The following SOS1 variants were observed in gnomAD, a reference collection of about 807,000 sequenced individuals.
SOS1 encodes son of sevenless homolog 1.
In SOS1, 25 loss-of-function variants were observed where a neutral mutation model predicts 157.6. That is an observed-to-expected ratio of 0.16 (90% confidence interval 0.12 to 0.22). The LOEUF is 0.22. SOS1 is among the 10% of genes least tolerant of loss of function. The pLI is 1.00. For missense variants in SOS1, 1,237 were observed against 1,599.1 expected, an observed-to-expected ratio of 0.77 and a Z score of 3.86; for synonymous variants, 528 against 534.0, an observed-to-expected ratio of 0.99 and a Z score of 0.16.
At chr2:39,057,747 A>G (rs531594504) in intron 3 of SOS1, among the ~76,000 whole-genome samples, 2 of 152,240 alleles carry the variant, frequency 1.3e-5, no homozygotes, top group South Asian at 2.1e-4. Context: ...CATATGGCCA[A>G]TGAAAATCAT....
chr2:38,997,051 C>T lies in SOS1; in HGVS notation c.2965-13G>A. 1 of 1,368,380 alleles carries T rather than the reference C, an allele frequency of 7.3e-7. No homozygotes were observed. The highest frequency in any genetic ancestry group is 1.0e-6 in the Non-Finnish European group (1 of 964,606). 84.8% of individuals were successfully genotyped at this position (1,368,380 alleles called of 1,614,324 possible). On this transcript the variant is annotated splice_polypyrimidine_tract_variant and intron_variant, in intron 18 of 22. Coordinates refer to ENST00000402219, the MANE Select transcript of SOS1 (RefSeq NM_005633.4). ...TTTCAAAGAACCTCTAAAATAAATGCAAAGAAAAAATTATTAATATTCAAA... is the reference window on the plus strand; with the variant it reads ...TTTCAAAGAACCTCTAAAATAAATGTAAAGAAAAAATTATTAATATTCAAA...
At chr2:39,034,664 A>C (rs542635098) in intron 8 of SOS1, among the ~76,000 whole-genome samples, 58 of 152,348 alleles carry the variant, frequency 3.8e-4, no homozygotes, top group African/African-American at 1.4e-3. Context: ...CTGTGATCAA[A>C]TGGGCAATTT....
chr2:39,100,589 A>C (rs1349484194), intron 1 of SOS1, among the ~76,000 whole-genome samples: 1 of 152,212 alleles, frequency 6.6e-6, no homozygotes, highest in African/African-American at 2.4e-5. Flanking sequence ...CATCGCTTAT[A>C]TATGGAAATC....
chr2:39,046,981 G>C (rs1670809832), intron 6 of SOS1, among the ~76,000 whole-genome samples: 1 of 151,892 alleles, frequency 6.6e-6, no homozygotes, highest in Admixed American at 6.6e-5. Context: ...CCTCATTTTT[G>C]ATAAATTCAG....
At position 39,012,277 on chromosome 2, in the gene SOS1, C is replaced by T. The variant is rs766572354; in HGVS notation, c.2239G>A (p.Gly747Arg). The T allele has an allele frequency of 6.2e-7, 1 of 1,613,374 alleles. No individual in the cohort carries two copies. Among genetic ancestry groups the T allele is most frequent in the South Asian group, 1.1e-5 (1 of 91,062 alleles). ...TGAAATGTAATATTATGACCTGGTC[C>T]ATTGTCTCTTGCAATTTTTTTCCTT... Reference protein sequence around the residue: ...IQRKKIARDNGPGHNITFQSS... With the variant: ...IQRKKIARDNRPGHNITFQSS... The change falls in exon 14 of 23, where the codon GGA becomes AGA. Residue 747 changes from glycine (G) to arginine (R), a missense_variant. Gly to Arg is a moderately radical substitution (Grantham distance 125, BLOSUM62 -2). Coordinates refer to ENST00000402219, the MANE Select transcript of SOS1 (RefSeq NM_005633.4).
chr2:39,005,248 G>A (rs1200150604), intron 17 of SOS1, among the ~76,000 whole-genome samples: 1 of 152,164 alleles, frequency 6.6e-6, no homozygotes, highest in African/African-American at 2.4e-5. Flanking sequence ...GCTGACCATG[G>A]ATAACTGAAA....
intron 6 of SOS1, among the ~76,000 whole-genome samples, chr2:39,045,787 G>A (rs941504343): frequency 2.6e-5 from 4 of 152,090 alleles, no homozygotes; most frequent in Admixed American, 2.6e-4. Context: ...TAGGCTCACC[G>A]CAACTCCGCC....
At chr2:39,011,096 C>T (rs1412481818) in intron 14 of SOS1, among the ~76,000 whole-genome samples, 2 of 152,068 alleles carry the variant, frequency 1.3e-5, no homozygotes, top group African/African-American at 4.8e-5. Flanking sequence ...AAGGTTTCAC[C>T]ATGTTGGCCA....
chr2:39,058,895 A>C, intron 2 of SOS1, 91 bp from the exon 3 acceptor site: 1 of 999,366 alleles, frequency 1.0e-6, no homozygotes, highest in Non-Finnish European at 1.5e-6. Context: ...AGAATACCAA[A>C]AGTAGAGCTT....
At chr2:39,095,225 G>T (rs979631545) in intron 1 of SOS1, among the ~76,000 whole-genome samples, 3 of 151,194 alleles carry the variant, frequency 2.0e-5, no homozygotes, top group African/African-American at 4.9e-5. Context: ...GTAGACACCA[G>T]ATGTATGGTG....
intron 1 of SOS1, among the ~76,000 whole-genome samples, chr2:39,101,351 G>C (rs140693630): frequency 1.1e-3 from 161 of 152,290 alleles, no homozygotes; most frequent in African/African-American, 3.7e-3. Flanking sequence ...TGAGACGTGA[G>C]ATTGGAGGTG....
intron 1 of SOS1, among the ~76,000 whole-genome samples, chr2:39,102,845 C>T (rs190840969): frequency 2.2e-4 from 34 of 152,160 alleles, no homozygotes; most frequent in African/African-American, 7.9e-4. Context: ...GTCCCAACTA[C>T]TCAGGAGGCT....
intron 6 of SOS1, among the ~76,000 whole-genome samples, chr2:39,038,379 G>A (rs1336512482): frequency 6.6e-6 from 1 of 152,090 alleles, no homozygotes; most frequent in Non-Finnish European, 1.5e-5. Context: ...GATGTGACTT[G>A]AATTGCTGCA....
chr2:39,088,841 T>G (rs547292791), intron 1 of SOS1, among the ~76,000 whole-genome samples: 8 of 152,320 alleles, frequency 5.3e-5, no homozygotes, highest in African/African-American at 1.7e-4. Context: ...GTGGAACTAC[T>G]AGATCATATA....
intron 1 of SOS1, among the ~76,000 whole-genome samples, chr2:39,085,946 G>A (rs1016178822): frequency 7.2e-5 from 11 of 152,200 alleles, no homozygotes; most frequent in African/African-American, 2.7e-4. Context: ...AACTATGTAA[G>A]AGGCAGAGTA....
intron 1 of SOS1, among the ~76,000 whole-genome samples, chr2:39,111,607 C>T (rs1673437923): frequency 1.3e-5 from 2 of 152,158 alleles, no homozygotes; most frequent in South Asian, 2.1e-4. Context: ...ATACAGTCTC[C>T]CTCTCTGCTA....
intron 6 of SOS1, among the ~76,000 whole-genome samples, chr2:39,039,596 T>C (rs1670487096): frequency 6.6e-6 from 1 of 152,252 alleles, no homozygotes; most frequent in Admixed American, 6.5e-5. Context: ...AATTGTTTAT[T>C]AATAGCTTTT....
intron 6 of SOS1, among the ~76,000 whole-genome samples, chr2:39,048,684 C>T (rs1334409174): frequency 1.3e-5 from 2 of 151,710 alleles, no homozygotes; most frequent in Non-Finnish European, 2.9e-5. Context: ...TTACAGGCAT[C>T]AGCCACTGGA....
intron 6 of SOS1, among the ~76,000 whole-genome samples, chr2:39,041,853 T>C (rs1230315554): frequency 1.3e-5 from 2 of 152,244 alleles, no homozygotes; most frequent in African/African-American, 4.8e-5. Context: ...ATATTTTCTT[T>C]TGAAGTTCTA....
Sources: gnomAD v4.1 joint callset for allele counts (sites outside exome capture counted in the v4.1 genomes callset) on GRCh38, gnomAD v4.1.1 for gene constraint, MANE v1.5 for transcripts, NCBI Gene and HGNC (gene_info 2026-07-23, HGNC 2026-07-21) for gene names.